Variants in ANO3 observed in about 807,000 individuals in gnomAD.
ANO3 encodes the protein anoctamin 3.
In ANO3, 99 loss-of-function variants were observed where a neutral mutation model predicts 144.8. That is an observed-to-expected ratio of 0.68 (90% confidence interval 0.58 to 0.81). ANO3 has a LOEUF of 0.81. Among genes scored for constraint, ANO3 ranks in the 30% least tolerant of loss-of-function variants. The probability of loss-of-function intolerance (pLI) is 0.00; values close to 1 mark genes in which losing one functional copy is unlikely to be tolerated. For missense variants in ANO3, 905 were observed against 1,202.2 expected (o/e 0.75, Z 3.66); for synonymous variants, 414 against 392.6 (o/e 1.05, Z -0.64).
At chr11:26,332,420 C>A (rs1194037862) in intron 1 of ANO3, 99 bp downstream of exon 1, 65 of 1,124,028 alleles carry the variant, frequency 5.8e-5, no homozygotes, top group Non-Finnish European at 8.4e-5. Flanking sequence ...TTATGCGACA[C>A]AGAGGTGGGG....
At chr11:26,418,469 C>A (rs1170478188) in intron 1 of ANO3, among the ~76,000 whole-genome samples, 1 of 152,060 alleles carries the variant, frequency 6.6e-6, no homozygotes, top group Admixed American at 6.6e-5. Flanking sequence ...CCATGTAACT[C>A]CACCAAAATC....
At position 26,363,572 on chromosome 11, in the gene ANO3, C is replaced by A. The variant is rs561859600; in HGVS notation, c.46+31251C>A. Among the ~76,000 whole-genome samples, 177 of 152,038 alleles carry A rather than the reference C, an allele frequency of 1.2e-3. 4 individuals are homozygous for A. Among genetic ancestry groups the A allele is most frequent in the Non-Finnish European group, 3.8e-4 (26 of 67,980 alleles). On this transcript the variant is annotated intron_variant, in intron 1 of 26. Transcript: ENST00000256737. Reference sequence around the variant, plus strand: ...CCTCACCTGTACAACCTCATTTAACCAAAAATGCCTCTTTAAAGGGCATAT... The same window carrying A: ...CCTCACCTGTACAACCTCATTTAACAAAAAATGCCTCTTTAAAGGGCATAT...
intron 1 of ANO3, among the ~76,000 whole-genome samples, chr11:26,281,378 C>T (rs1035272716): frequency 6.6e-6 from 1 of 152,096 alleles, no homozygotes; most frequent in African/African-American, 2.4e-5. Context: ...CTGAACTCCT[C>T]ATGAGCATAG....
At chr11:26,603,727 T>C (rs575248208) in intron 17 of ANO3, among the ~76,000 whole-genome samples, 41 of 152,260 alleles carry the variant, frequency 2.7e-4, no homozygotes, top group African/African-American at 9.6e-4. Context: ...ACAATATTGG[T>C]CCCTCAATAG....
intron 5 of ANO3, 89 bp downstream of exon 5, chr11:26,508,351 A>G (rs1450945705): frequency 3.3e-6 from 4 of 1,201,660 alleles, no homozygotes; most frequent in Non-Finnish European, 4.6e-6. Flanking sequence ...TATGTATCAC[A>G]TGACTTTATA....
intron 1 of ANO3, chr11:26,208,404 T>C (rs1227040768): frequency 2.6e-5 from 4 of 152,040 alleles, no homozygotes; most frequent in African/African-American, 9.7e-5. Context: ...TCCCAGCTAC[T>C]CCAGAGGCTG....
intron 1 of ANO3, among the ~76,000 whole-genome samples, chr11:26,418,474 A>G (rs1857657329): frequency 6.6e-6 from 1 of 152,120 alleles, no homozygotes; most frequent in South Asian, 2.1e-4. Context: ...TAACTCCACC[A>G]AAATCCAAAT....
chr11:26,508,247 G>A lies in ANO3; in HGVS notation c.576G>A (p.Leu192=), dbSNP rs1374133453. The change falls in exon 5 of 27, where the codon TTG becomes TTA. Residue 192 remains leucine, a synonymous_variant. Transcript: ENST00000256737. ...AAAAGAACCTCAGAGCAGAAGGCTT[G>A]ATGTTGGAGAAGGAGGTAGGTGCTT... ...TFEKNLRAEG[L]MLEKEPAIAS... is the part of the protein sequence containing the mutation. 6.3e-7 allele frequency: 1 copy of A among 1,592,136 alleles called. No individual in the cohort carries two copies. The highest frequency in any genetic ancestry group is 8.5e-7 in the Non-Finnish European group (1 of 1,173,578).
intron 6 of ANO3, among the ~76,000 whole-genome samples, chr11:26,520,730 A>C (rs150376711): frequency 2.0e-5 from 3 of 152,146 alleles, no homozygotes; most frequent in Admixed American, 2.0e-4. Context: ...CCTGGGAAGT[A>C]ATAAAAATGA....
chr11:26,319,241 C>A (rs899218644), intron 1 of ANO3, among the ~76,000 whole-genome samples: 2 of 151,960 alleles, frequency 1.3e-5, no homozygotes, highest in African/African-American at 4.8e-5. Context: ...TCAAGTGATC[C>A]TCCCACCTCG....
intron 3 of ANO3, among the ~76,000 whole-genome samples, chr11:26,459,281 A>G (rs1859280584): frequency 6.6e-6 from 1 of 152,006 alleles, no homozygotes; most frequent in Non-Finnish European, 1.5e-5. Flanking sequence ...TTGAATAGAG[A>G]TTTAATATCA....
At chr11:26,598,050 A>T (rs866946747) in intron 14 of ANO3, among the ~76,000 whole-genome samples, 1 of 152,160 alleles carries the variant, frequency 6.6e-6, no homozygotes. Context: ...ATAATTTTGA[A>T]TAAGCATATG....
At chr11:26,367,920 G>A (rs1306151812) in intron 1 of ANO3, among the ~76,000 whole-genome samples, 1 of 152,124 alleles carries the variant, frequency 6.6e-6, no homozygotes, top group Non-Finnish European at 1.5e-5. Flanking sequence ...TTACAATCAT[G>A]AGGACAGCAC....
intron 24 of ANO3, among the ~76,000 whole-genome samples, chr11:26,648,812 A>G (rs1024636643): frequency 5.3e-5 from 8 of 152,318 alleles, no homozygotes; most frequent in African/African-American, 1.9e-4. Context: ...TGCTTCCTTC[A>G]GGAGTAGCTT....
At position 26,599,591 on chromosome 11, in the gene ANO3, C is replaced by T. The variant is rs772657319; in HGVS notation, c.1713C>T (p.Tyr571=). 6 of 1,613,920 alleles carry T rather than the reference C, an allele frequency of 3.7e-6. No homozygotes were observed. The East Asian group carries it at 1.3e-4, about 36-fold the overall frequency. ...VITAVFGVVV[Y]RLVVMEQFAS... is the part of the protein sequence containing the mutation. ...CTGCAGTGTTTGGAGTTGTGGTGTA[C>T]CGCCTGGTTGTCATGGAACAGTTTG... Residue 571 remains tyrosine, a synonymous_variant, in exon 17 of 27, where the codon TAC becomes TAT. Coordinates refer to ENST00000256737, the MANE Select transcript of ANO3 (RefSeq NM_031418.4).
intron 4 of ANO3, among the ~76,000 whole-genome samples, chr11:26,500,206 C>T (rs966645961): frequency 6.6e-6 from 1 of 151,988 alleles, no homozygotes; most frequent in East Asian, 1.9e-4. Context: ...ATGTATTAAG[C>T]TGATAGGCTT....
chr11:26,198,248 G>T (rs1851627431), intron 1 of ANO3, among the ~76,000 whole-genome samples: 1 of 151,940 alleles, frequency 6.6e-6, no homozygotes, highest in Non-Finnish European at 1.5e-5. Flanking sequence ...TTCATATTCA[G>T]GAAATGAATT....
chr11:26,193,271 A>G (rs1406022605), intron 1 of ANO3, among the ~76,000 whole-genome samples: 1 of 151,304 alleles, frequency 6.6e-6, no homozygotes, highest in East Asian at 2.0e-4. Context: ...CCTCCAGAGT[A>G]GCTGGGATTG....
intron 1 of ANO3, among the ~76,000 whole-genome samples, chr11:26,340,595 A>T (rs544255022): frequency 3.3e-5 from 5 of 152,280 alleles, no homozygotes; most frequent in Non-Finnish European, 5.9e-5. Context: ...CTGACAATTG[A>T]GTCAATTTCA....
Sources: allele counts gnomAD v4.1 joint callset (sites outside exome capture counted in the v4.1 genomes callset), GRCh38; gene constraint gnomAD v4.1.1; transcripts MANE v1.5; gene names NCBI Gene and HGNC (gene_info 2026-07-23, HGNC 2026-07-21).